DMD: variants seen among roughly 807,000 people sequenced by gnomAD.
DMD encodes mutant dystrophin.
DMD carries 63 observed loss-of-function variants against 330.1 expected under a neutral mutation model. The ratio of observed to expected loss-of-function variants is 0.19; its 90% confidence interval spans 0.16 to 0.24. The LOEUF (loss-of-function observed/expected upper bound fraction) is 0.24, where lower values mean the gene tolerates loss of function less well. Among genes scored for constraint, DMD ranks in the 10% least tolerant of loss-of-function variants. DMD has a pLI of 1.00. For synonymous variants in DMD, 1,223 were observed against 959.8 expected (o/e 1.27, Z -5.07); for missense variants, 3,344 against 2,684.1 (o/e 1.25, Z -5.43).
In DMD at chrX:31,830,323, A is replaced by G. The variant is rs748016745; in HGVS notation, c.7200+6395T>C. 4.9e-3 allele frequency among the ~76,000 whole-genome samples: 553 copies of G among 113,023 alleles called. 2 individuals are homozygous for G. The highest frequency in any genetic ancestry group is 0.025 in the South Asian group (70 of 2,758). ...TAAAAGATCACATCTGGCTGGGTGCAGTGGCTCACGCCTGTAATCCCAGGA... is the reference window on the plus strand; with the variant it reads ...TAAAAGATCACATCTGGCTGGGTGCGGTGGCTCACGCCTGTAATCCCAGGA... On this transcript the variant is annotated intron_variant, in intron 49 of 78. Transcript: ENST00000357033.
chrX:31,341,416 A>C (rs1057171089), intron 61 of DMD, among the ~76,000 whole-genome samples: 1 of 111,973 alleles, frequency 8.9e-6, no homozygotes, highest in Admixed American at 9.5e-5. Context: ...AGAGAAAGAA[A>C]AAAGCATAAA....
Position 32,699,253 on chromosome X carries a change from C to T in DMD, c.690G>A (p.Met230Ile). 1.7e-6 allele frequency: 2 copies of T among 1,209,388 alleles called. No individual in the cohort carries two copies. The highest frequency in any genetic ancestry group is 2.2e-6 in the Non-Finnish European group (2 of 893,535). Residue 230 changes from methionine (M) to isoleucine (I), a missense_variant, in exon 8 of 79, where the codon ATG becomes ATA. Transcript: ENST00000357033. ...AAACTTGGAAGAGTGATGTGATGTA[C>T]ATTAAGATGGACTTCTTATCTGGAT... ...TTYPDKKSIL[M>I]YITSLFQVLP...
At chrX:33,185,145 G>T (rs890109000) in intron 1 of DMD, among the ~76,000 whole-genome samples, 2 of 110,420 alleles carry the variant, frequency 1.8e-5, no homozygotes, top group Non-Finnish European at 3.8e-5. Context: ...TTCTTCTCAG[G>T]CCAATAATTA....
At position 31,968,380 on chromosome X, in the gene DMD, C is replaced by A; in HGVS notation, c.6573G>T (p.Arg2191=). ...ACAGCTGTTTGCAGACCTCCTGCCA[C>A]CGCAGATTCAGGCTTCCCAATTTTT... ...LQEKLGSLNL[R]WQEVCKQLSD... The change falls in exon 45 of 79, where the codon CGG becomes CGT. Residue 2191 remains arginine, a synonymous_variant. Transcript: ENST00000357033. 1.7e-6 allele frequency: 2 copies of A among 1,210,833 alleles called. No individual in the cohort carries two copies. The highest frequency in any genetic ancestry group is 2.2e-6 in the Non-Finnish European group (2 of 894,880).
At chrX:33,065,968 T>G (rs1466110792) in intron 1 of DMD, among the ~76,000 whole-genome samples, 2 of 110,823 alleles carry the variant, frequency 1.8e-5, no homozygotes, top group Non-Finnish European at 3.8e-5. Context: ...AGGAAACATT[T>G]CTCACTCTCC....
At chrX:32,603,827 C>A (rs1451477088) in intron 12 of DMD, among the ~76,000 whole-genome samples, 1 of 111,011 alleles carries the variant, frequency 9.0e-6, no homozygotes, top group African/African-American at 3.3e-5. Flanking sequence ...CTTGGACAGA[C>A]CAATAACAAA....
chrX:32,551,217 C>A (rs904312184), intron 16 of DMD, among the ~76,000 whole-genome samples: 12 of 111,098 alleles, frequency 1.1e-4, no homozygotes, highest in African/African-American at 3.6e-4. Flanking sequence ...CCCTAATGAA[C>A]ATAGATGCAA....
chrX:32,799,057 G>GT (rs2076364182), intron 7 of DMD, among the ~76,000 whole-genome samples: 1 of 111,296 alleles, frequency 9.0e-6, no homozygotes, highest in Non-Finnish European at 1.9e-5. Context: ...CAAATTCTAT[G>GT]TATCTTTCCA....
At chrX:31,252,741 C>T (rs1371060189) in intron 63 of DMD, among the ~76,000 whole-genome samples, 2 of 112,261 alleles carry the variant, frequency 1.8e-5, no homozygotes, top group African/African-American at 6.5e-5. Flanking sequence ...AGGCTAGGAG[C>T]GGTGGCTCAC....
chrX:32,042,403 G>C (rs1328104161), intron 44 of DMD, among the ~76,000 whole-genome samples: 1 of 109,791 alleles, frequency 9.1e-6, no homozygotes, highest in African/African-American at 3.3e-5. Flanking sequence ...GTGGCAAGAA[G>C]GAGAATGAGT....
At position 31,158,892 on chromosome X, in the gene DMD, T is replaced by C. The variant is rs1218292266; in HGVS notation, c.10553+10551A>G. Among the ~76,000 whole-genome samples the C allele has an allele frequency of 4.5e-5, 5 of 112,037 alleles. No individual in the cohort carries two copies. The South Asian group carries it at 1.9e-3, about 42-fold the overall frequency. ...ATGAGTTTTAAAAAGAGTCCAAAAA[T>C]AAGCCCAGAAAATGCTTAAGTCTGG... On this transcript the variant is annotated intron_variant, in intron 74 of 78. Transcript: ENST00000357033.
intron 63 of DMD, among the ~76,000 whole-genome samples, chrX:31,249,951 T>C (rs1016212699): frequency 8.0e-5 from 9 of 111,872 alleles, no homozygotes; most frequent in African/African-American, 2.0e-4. Flanking sequence ...AGTCTCATCA[T>C]AACTATTTAA....
At chrX:32,492,876 CAAAAGAACAT>C (rs2043139871) in intron 19 of DMD, among the ~76,000 whole-genome samples, 1 of 111,692 alleles carries the variant, frequency 9.0e-6, no homozygotes. Context: ...ACAGAGATCT[CAAAAGAACAT>C]AAACTCACTG....
chrX:32,268,217 A>G (rs2097351803), intron 43 of DMD, among the ~76,000 whole-genome samples: 1 of 110,689 alleles, frequency 9.0e-6, no homozygotes, highest in South Asian at 3.9e-4. Flanking sequence ...GGGCCTGGAC[A>G]CTCCAGGGTA....
chrX:32,945,128 T>C (rs1168909840), intron 2 of DMD, among the ~76,000 whole-genome samples: 2 of 110,824 alleles, frequency 1.8e-5, no homozygotes, highest in Admixed American at 9.7e-5. Flanking sequence ...AATATTAATA[T>C]TCCCACCAAG....
intron 60 of DMD, among the ~76,000 whole-genome samples, chrX:31,383,725 T>C (rs1349843951): frequency 1.8e-5 from 2 of 111,989 alleles, no homozygotes; most frequent in African/African-American, 6.5e-5. Flanking sequence ...AAACTATGGT[T>C]GTGCATTGGA....
chrX:32,876,370 C>A (rs1456233361), intron 2 of DMD, among the ~76,000 whole-genome samples: 1 of 112,055 alleles, frequency 8.9e-6, no homozygotes, highest in Non-Finnish European at 1.9e-5. Flanking sequence ...CTATGTAGTA[C>A]AACTAGTTAT....
At chrX:31,175,533 A>G (rs1007730641) in intron 71 of DMD, among the ~76,000 whole-genome samples, 1 of 111,055 alleles carries the variant, frequency 9.0e-6, no homozygotes, top group Non-Finnish European at 1.9e-5. Context: ...AAACCAGAAA[A>G]TGAGCCAAAA....
chrX:33,153,930 G>T (rs933776529), intron 1 of DMD, among the ~76,000 whole-genome samples: 2 of 112,192 alleles, frequency 1.8e-5, no homozygotes, highest in Non-Finnish European at 3.8e-5. Flanking sequence ...TAAAGAAAAG[G>T]TAATCTTGCC....
Sources: gnomAD v4.1 joint callset for allele counts (sites outside exome capture counted in the v4.1 genomes callset) on GRCh38, gnomAD v4.1.1 for gene constraint, MANE v1.5 for transcripts, NCBI Gene and HGNC (gene_info 2026-07-23, HGNC 2026-07-21) for gene names.